The following PPARGC1A variants were observed in gnomAD, a reference collection of about 807,000 sequenced individuals.
PPARGC1A encodes PPARG coactivator 1 alpha, also known as peroxisome proliferator-activated receptor gamma coactivator 1-alpha.
Under a neutral mutation model 88.7 loss-of-function variants are expected in PPARGC1A, and 25 were observed. The observed-to-expected ratio is 0.28, with a 90% CI of 0.21 to 0.39. PPARGC1A has a LOEUF of 0.39. PPARGC1A is among the 10% of genes least tolerant of loss of function. The pLI is 1.00. For missense variants in PPARGC1A, 880 were observed against 968.7 expected (o/e 0.91, Z 1.22); for synonymous variants, 363 against 355.6 (o/e 1.02, Z -0.24).
chr4:23,837,826 A>C (rs1352608398), intron 2 of PPARGC1A, among the ~76,000 whole-genome samples: 1 of 152,210 alleles, frequency 6.6e-6, no homozygotes, highest in Non-Finnish European at 1.5e-5. Flanking sequence ...AATAAGAAAT[A>C]CAGTGGGTCA....
intron 10 of PPARGC1A, among the ~76,000 whole-genome samples, chr4:23,803,538 A>G (rs1305156157): frequency 6.6e-6 from 1 of 152,152 alleles, no homozygotes; most frequent in Non-Finnish European, 1.5e-5. Flanking sequence ...CCTGAGGATA[A>G]ATTCTTTTTT....
the PPARGC1A span, among the ~76,000 whole-genome samples, chr4:24,196,187 G>C: frequency 6.6e-6 from 1 of 152,200 alleles, no homozygotes; most frequent in Non-Finnish European, 1.5e-5. Flanking sequence ...TATCAGATTG[G>C]AATGTGGATA....
At chr4:24,096,486 T>C in the PPARGC1A span, among the ~76,000 whole-genome samples, 2 of 152,196 alleles carry the variant, frequency 1.3e-5, no homozygotes, top group Non-Finnish European at 2.9e-5. Context: ...ACCATCCACT[T>C]TGTAGTACTT....
At chr4:24,339,939 G>A in the PPARGC1A span, among the ~76,000 whole-genome samples, 3 of 151,916 alleles carry the variant, frequency 2.0e-5, no homozygotes, top group East Asian at 1.9e-4. Flanking sequence ...GGGTTTCACC[G>A]TGTTAGCCAG....
the PPARGC1A span, among the ~76,000 whole-genome samples, chr4:24,375,412 A>G: frequency 6.6e-6 from 1 of 152,202 alleles, no homozygotes; most frequent in Non-Finnish European, 1.5e-5. Context: ...GCAGTGTACC[A>G]AATTTTATCA....
chr4:24,245,411 C>T, the PPARGC1A span, among the ~76,000 whole-genome samples: 2 of 152,188 alleles, frequency 1.3e-5, no homozygotes, highest in Non-Finnish European at 2.9e-5. Flanking sequence ...CAGAATGTGA[C>T]ATTTCAAGCA....
At chr4:24,039,240 C>T in the PPARGC1A span, among the ~76,000 whole-genome samples, 1 of 152,094 alleles carries the variant, frequency 6.6e-6, no homozygotes, top group Admixed American at 6.6e-5. Context: ...GTAAACTTGT[C>T]CACCTGCTAT....
At chr4:24,316,691 G>A in the PPARGC1A span, among the ~76,000 whole-genome samples, 167 of 152,272 alleles carry the variant, frequency 1.1e-3, no homozygotes, top group African/African-American at 2.2e-3. Context: ...CAGCTTCCAC[G>A]TCATCAGCTG....
At chr4:24,397,161 GA>G in the PPARGC1A span, among the ~76,000 whole-genome samples, 1 of 152,098 alleles carries the variant, frequency 6.6e-6, no homozygotes, top group Non-Finnish European at 1.5e-5. Context: ...AGTAATCAAA[GA>G]AGAGTAAATT....
chr4:24,214,432 A>G, the PPARGC1A span, among the ~76,000 whole-genome samples: 1 of 152,234 alleles, frequency 6.6e-6, no homozygotes, highest in South Asian at 2.1e-4. Context: ...AAAGTTGAGC[A>G]GAAAGAATGA....
the PPARGC1A span, among the ~76,000 whole-genome samples, chr4:24,144,641 C>G: frequency 6.6e-6 from 1 of 151,934 alleles, no homozygotes; most frequent in Non-Finnish European, 1.5e-5. Context: ...AGAGAGGGAG[C>G]CACCGAGAAA....
chr4:23,969,623 ATTGT>A, the PPARGC1A span, among the ~76,000 whole-genome samples: 25 of 152,124 alleles, frequency 1.6e-4, no homozygotes, highest in Non-Finnish European at 5.9e-5. Context: ...GAAGGCGTGG[ATTGT>A]TTATTTTCTT....
chr4:24,468,880 G>T, the PPARGC1A span, among the ~76,000 whole-genome samples: 1 of 152,144 alleles, frequency 6.6e-6, no homozygotes, highest in Admixed American at 6.5e-5. Context: ...GCTTCTTAGG[G>T]AGACATGCCT....
upstream of PPARGC1A, among the ~76,000 whole-genome samples, chr4:23,909,044 T>A (rs1177134360): frequency 6.6e-6 from 1 of 152,196 alleles, no homozygotes; most frequent in Non-Finnish European, 1.5e-5. Context: ...AATATCCACA[T>A]GTGATTAGTA....
At chr4:23,994,276 G>C in the PPARGC1A span, among the ~76,000 whole-genome samples, 1 of 152,144 alleles carries the variant, frequency 6.6e-6, no homozygotes, top group African/African-American at 2.4e-5. Context: ...ATGTTCTGAA[G>C]CTCTAGGAGC....
At chr4:24,126,272 C>T in the PPARGC1A span, among the ~76,000 whole-genome samples, 1 of 148,574 alleles carries the variant, frequency 6.7e-6, no homozygotes, top group African/African-American at 2.5e-5. Context: ...TCTCACCACA[C>T]ACACACACAC....
the PPARGC1A span, among the ~76,000 whole-genome samples, chr4:24,139,531 A>G: frequency 6.6e-6 from 1 of 152,200 alleles, no homozygotes; most frequent in Non-Finnish European, 1.5e-5. Context: ...ATACGTGAAG[A>G]GAAAAACAGA....
chr4:24,050,958 T>C, the PPARGC1A span, among the ~76,000 whole-genome samples: 65 of 151,946 alleles, frequency 4.3e-4, no homozygotes, highest in Admixed American at 3.1e-3. Context: ...GAGGCCAAGG[T>C]GGGCAGATCA....
chr4:24,393,463 C>A, the PPARGC1A span, among the ~76,000 whole-genome samples: 443 of 152,282 alleles, frequency 2.9e-3, 2 homozygotes, highest in African/African-American at 0.01. Flanking sequence ...ACATAACATA[C>A]GCACCCTTGC....
Sources: allele counts gnomAD v4.1 joint callset (sites outside exome capture counted in the v4.1 genomes callset), GRCh38; gene constraint gnomAD v4.1.1; transcripts MANE v1.5; gene names NCBI Gene and HGNC (gene_info 2026-07-23, HGNC 2026-07-21).